Variants in SPOCK3 observed in about 807,000 individuals in gnomAD.
SPOCK3 encodes the protein SPARC (osteonectin), cwcv and kazal like domains proteoglycan 3.
A neutral mutation model predicts 56.6 loss-of-function variants in SPOCK3; 30 were observed. That is an observed-to-expected ratio of 0.53 (90% CI 0.40 to 0.72). The LOEUF (loss-of-function observed/expected upper bound fraction) is 0.72, where lower values mean the gene tolerates loss of function less well. Among genes scored for constraint, SPOCK3 ranks in the 30% least tolerant of loss-of-function variants. The pLI is 0.00. For missense variants in SPOCK3, 527 were observed against 530.0 expected (o/e 0.99, Z 0.06); for synonymous variants, 196 against 183.3 (o/e 1.07, Z -0.56).
chr4:167,031,503 T>C (rs944468480), intron 3 of SPOCK3, among the ~76,000 whole-genome samples: 1 of 151,992 alleles, frequency 6.6e-6, no homozygotes, highest in African/African-American at 2.4e-5. Flanking sequence ...TAATGATAAA[T>C]GGCTCACTTA....
At position 166,734,911 on chromosome 4, in the gene SPOCK3, C is replaced by T. The variant is rs773527798; in HGVS notation, c.*10G>A. The T allele has an allele frequency of 6.0e-6, 9 of 1,496,308 alleles. No individual in the cohort carries two copies. The East Asian group carries it at 1.2e-4, about 20-fold the overall frequency. The allele number at this position is 1,496,308 out of a possible 1,614,324, so 92.7% of individuals were successfully genotyped here. On this transcript the variant is annotated 3_prime_UTR_variant, in exon 11 of 11. Transcript: ENST00000357545. Reference sequence around the variant, plus strand: ...GAAATGTAGAATTTATTGATTTCAACTGTCATCAATCAAATGTATACATCA... The same window carrying T: ...GAAATGTAGAATTTATTGATTTCAATTGTCATCAATCAAATGTATACATCA...
intron 7 of SPOCK3, among the ~76,000 whole-genome samples, chr4:166,773,193 C>CT: frequency 6.6e-6 from 1 of 152,114 alleles, no homozygotes; most frequent in Admixed American, 6.6e-5. Flanking sequence ...TTTTCACAAA[C>CT]TTTTGTAATA....
intron 7 of SPOCK3, among the ~76,000 whole-genome samples, chr4:166,774,843 A>T (rs1739353039): frequency 6.6e-6 from 1 of 152,116 alleles, no homozygotes; most frequent in Admixed American, 6.6e-5. Flanking sequence ...TTCCAAAGAA[A>T]CCTTCTTCAC....
At chr4:167,116,613 GTATATAT>G (rs1561233695) in intron 2 of SPOCK3, among the ~76,000 whole-genome samples, 1 of 125,072 alleles carries the variant, frequency 8.0e-6, no homozygotes, top group African/African-American at 3.1e-5. Flanking sequence ...TACTATATAC[GTATATAT>G]ATACATATAT....
chr4:167,052,314 T>A (rs531145167), intron 3 of SPOCK3, among the ~76,000 whole-genome samples: 3 of 152,322 alleles, frequency 2.0e-5, no homozygotes, highest in African/African-American at 7.2e-5. Context: ...ACTGTTGGTT[T>A]CTAGCTTGAA....
chr4:166,933,680 A>G (rs1740052359), intron 4 of SPOCK3, among the ~76,000 whole-genome samples: 1 of 152,200 alleles, frequency 6.6e-6, no homozygotes, highest in Admixed American at 6.5e-5. Context: ...ATTTGCAAAG[A>G]GACTTAGAAC....
At chr4:167,154,220 G>GCA (rs111292629) in intron 2 of SPOCK3, among the ~76,000 whole-genome samples, 6 of 151,558 alleles carry the variant, frequency 4.0e-5, no homozygotes, top group Non-Finnish European at 7.4e-5. Flanking sequence ...ATGCACGCGT[G>GCA]CACACACACA....
At chr4:166,789,575 T>A (rs1392706608) in intron 7 of SPOCK3, among the ~76,000 whole-genome samples, 2 of 152,172 alleles carry the variant, frequency 1.3e-5, no homozygotes, top group Non-Finnish European at 2.9e-5. Flanking sequence ...TGATCAAAGT[T>A]TTTAACAAAG....
chr4:167,004,820 A>C (rs1749309337), intron 3 of SPOCK3, among the ~76,000 whole-genome samples: 1 of 152,210 alleles, frequency 6.6e-6, no homozygotes, highest in African/African-American at 2.4e-5. Context: ...AAAAAAATAC[A>C]GCAAGTTTAG....
At chr4:167,011,671 G>C (rs892464383) in intron 3 of SPOCK3, among the ~76,000 whole-genome samples, 1 of 152,060 alleles carries the variant, frequency 6.6e-6, no homozygotes, top group African/African-American at 2.4e-5. Context: ...GCTTTAAGGA[G>C]ATGAATACAT....
chr4:166,940,649 A>G (rs1304830731), intron 4 of SPOCK3, among the ~76,000 whole-genome samples: 1 of 151,282 alleles, frequency 6.6e-6, no homozygotes, highest in Non-Finnish European at 1.5e-5. Context: ...TGCTAATGAG[A>G]TATGTGAAAT....
chr4:167,105,810 C>A (rs910683343), intron 2 of SPOCK3, among the ~76,000 whole-genome samples: 1 of 151,430 alleles, frequency 6.6e-6, no homozygotes, highest in Non-Finnish European at 1.5e-5. Context: ...ATATTTCATG[C>A]CAATGGAAAC....
Position 167,142,446 on chromosome 4 carries a change from G to GA in SPOCK3, c.190-79910dup, listed in dbSNP as rs927467337. Among the ~76,000 whole-genome samples, 35 of 150,598 alleles carry GA rather than the reference G, an allele frequency of 2.3e-4. No homozygotes were observed. The East Asian group carries it at 2.9e-3, about 13-fold the overall frequency. ...TAAATCAAAAAAGAGGCAGCCACGA[G>GA]AAAAAAAAATCCATCAATATAAATA... On this transcript the variant is annotated intron_variant, in intron 2 of 10. Coordinates refer to ENST00000357545, the MANE Select transcript of SPOCK3 (RefSeq NM_001040159.2).
intron 4 of SPOCK3, among the ~76,000 whole-genome samples, chr4:166,976,020 T>C (rs1160142465): frequency 6.6e-6 from 1 of 152,074 alleles, no homozygotes; most frequent in Non-Finnish European, 1.5e-5. Context: ...TTCTTCTGGG[T>C]ATATATCTAG....
intron 8 of SPOCK3, among the ~76,000 whole-genome samples, chr4:166,753,525 G>A (rs1736687108): frequency 6.6e-6 from 1 of 151,902 alleles, no homozygotes; most frequent in African/African-American, 2.4e-5. Context: ...ATCAATTTAT[G>A]CATATTCATT....
intron 2 of SPOCK3, among the ~76,000 whole-genome samples, chr4:167,175,038 C>T (rs978930228): frequency 6.6e-6 from 1 of 152,096 alleles, no homozygotes; most frequent in Non-Finnish European, 1.5e-5. Context: ...GTTAGACAAG[C>T]TATTTTACCT....
intron 8 of SPOCK3, among the ~76,000 whole-genome samples, chr4:166,747,069 G>T (rs1047401706): frequency 1.0e-5 from 1 of 96,000 alleles, no homozygotes; most frequent in African/African-American, 4.1e-5. Context: ...GGAGGAGCTG[G>T]TACCATTCCT....
At chr4:167,212,961 G>A (rs1460157873) in intron 2 of SPOCK3, among the ~76,000 whole-genome samples, 3 of 152,174 alleles carry the variant, frequency 2.0e-5, no homozygotes, top group African/African-American at 4.8e-5. Context: ...TTGTCCACGT[G>A]CCTTTAAGAA....
chr4:166,754,142 G>A, intron 8 of SPOCK3: 1 of 999,244 alleles, frequency 1.0e-6, no homozygotes, highest in Non-Finnish European at 1.2e-6. Context: ...CCACCGTATA[G>A]TGATAAAAAA....
Sources: gnomAD v4.1 joint callset for allele counts (sites outside exome capture counted in the v4.1 genomes callset) on GRCh38, gnomAD v4.1.1 for gene constraint, MANE v1.5 for transcripts, NCBI Gene and HGNC (gene_info 2026-07-23, HGNC 2026-07-21) for gene names.